SEMA3D: variants seen among roughly 807,000 people sequenced by gnomAD.
The protein encoded by SEMA3D is semaphorin-3D.
A neutral mutation model predicts 100.1 loss-of-function variants in SEMA3D; 84 were observed. The observed-to-expected ratio is 0.84, with a 90% CI of 0.70 to 1.01. The LOEUF is 1.01. SEMA3D is among the 50% of genes least tolerant of loss of function. The pLI is 0.00. For synonymous variants in SEMA3D, 312 were observed against 320.7 expected (o/e 0.97, Z 0.29); for missense variants, 875 against 934.1 (o/e 0.94, Z 0.82).
intron 2 of SEMA3D, chr7:85,144,705 T>G (rs1041310679): frequency 2.0e-6 from 2 of 984,402 alleles, no homozygotes; most frequent in African/African-American, 3.5e-5. Context: ...TTTGTTCTTA[T>G]TTGTTCTCTT....
chr7:85,249,208 G>A, the SEMA3D span, among the ~76,000 whole-genome samples: 1 of 152,116 alleles, frequency 6.6e-6, no homozygotes, highest in East Asian at 1.9e-4. Context: ...AGATGAGAAT[G>A]TCACTTTACT....
At chr7:85,199,763 A>G in the SEMA3D span, among the ~76,000 whole-genome samples, 1 of 152,290 alleles carries the variant, frequency 6.6e-6, no homozygotes, top group Non-Finnish European at 1.5e-5. Context: ...GATTTTCATC[A>G]GCTAAAATTG....
At chr7:85,016,929 T>C (rs1331036279) in intron 15 of SEMA3D, among the ~76,000 whole-genome samples, 2 of 151,506 alleles carry the variant, frequency 1.3e-5, no homozygotes, top group Non-Finnish European at 3.0e-5. Flanking sequence ...GGGGCTTTCA[T>C]TGTTTTTAAG....
chr7:85,032,784 T>A (rs542121637), intron 12 of SEMA3D, among the ~76,000 whole-genome samples: 7 of 152,124 alleles, frequency 4.6e-5, no homozygotes, highest in Non-Finnish European at 8.8e-5. Context: ...AATAAATAAA[T>A]TTTGACAGTA....
At chr7:85,215,974 A>G in the SEMA3D span, among the ~76,000 whole-genome samples, 1 of 152,116 alleles carries the variant, frequency 6.6e-6, no homozygotes, top group South Asian at 2.1e-4. Flanking sequence ...CTTTTTCATA[A>G]TATAAAACTT....
At chr7:85,222,227 T>G in the SEMA3D span, among the ~76,000 whole-genome samples, 375 of 152,218 alleles carry the variant, frequency 2.5e-3, 3 homozygotes, top group African/African-American at 8.8e-3. Context: ...TGATTTGATA[T>G]TTTATTTAAA....
At chr7:85,165,243 T>C (rs2116529311) in intron 1 of SEMA3D, among the ~76,000 whole-genome samples, 1 of 147,026 alleles carries the variant, frequency 6.8e-6, no homozygotes, top group Non-Finnish European at 1.5e-5. Context: ...TTTATGTAAA[T>C]TAAAAAAAGA....
At chr7:85,027,132 A>G (rs1790412856) in intron 12 of SEMA3D, among the ~76,000 whole-genome samples, 1 of 152,056 alleles carries the variant, frequency 6.6e-6, no homozygotes, top group Non-Finnish European at 1.5e-5. Context: ...GTTAGAGTAA[A>G]AAAGATCTTT....
chr7:85,058,710 T>C (rs1451896265), intron 8 of SEMA3D, among the ~76,000 whole-genome samples: 2 of 134,888 alleles, frequency 1.5e-5, no homozygotes, highest in Non-Finnish European at 3.0e-5. Context: ...ATTGTGCCAC[T>C]GCACTCCAGC....
intron 8 of SEMA3D, among the ~76,000 whole-genome samples, chr7:85,058,416 G>A (rs1313640128): frequency 2.0e-5 from 3 of 150,900 alleles, no homozygotes; most frequent in South Asian, 2.1e-4. Flanking sequence ...TTTTTTAATC[G>A]CAAACCAACA....
chr7:85,113,213 G>A (rs960550087), intron 3 of SEMA3D, among the ~76,000 whole-genome samples: 1 of 152,144 alleles, frequency 6.6e-6, no homozygotes, highest in African/African-American at 2.4e-5. Context: ...AATATTTATA[G>A]TAATAATCAT....
intron 9 of SEMA3D, among the ~76,000 whole-genome samples, chr7:85,049,104 A>G (rs1361785272): frequency 1.3e-5 from 2 of 151,710 alleles, no homozygotes; most frequent in African/African-American, 4.8e-5. Flanking sequence ...CCTACTAATA[A>G]TCTTGAAATA....
intron 2 of SEMA3D, among the ~76,000 whole-genome samples, chr7:85,151,399 A>C (rs1258304257): frequency 6.6e-6 from 1 of 152,040 alleles, no homozygotes; most frequent in African/African-American, 2.4e-5. Context: ...CCCAACCCCA[A>C]ATTAAAACAA....
chr7:85,065,307 T>C, intron 8 of SEMA3D, 117 bp downstream of exon 8: 1 of 913,116 alleles, frequency 1.1e-6, no homozygotes. Context: ...AAATGTATTT[T>C]ATAATGTTGA....
intron 3 of SEMA3D, among the ~76,000 whole-genome samples, chr7:85,116,491 G>T (rs1384137610): frequency 2.0e-5 from 3 of 148,806 alleles, no homozygotes; most frequent in Non-Finnish European, 4.5e-5. Flanking sequence ...TTTTATATAG[G>T]TGTATATATG....
At chr7:85,249,416 A>G in the SEMA3D span, among the ~76,000 whole-genome samples, 4 of 152,202 alleles carry the variant, frequency 2.6e-5, no homozygotes, top group Admixed American at 6.5e-5. Context: ...GGACAGTAGG[A>G]AAAACTAAGA....
chr7:85,023,677 G>A (rs913430943), intron 12 of SEMA3D, among the ~76,000 whole-genome samples: 1 of 151,640 alleles, frequency 6.6e-6, no homozygotes, highest in East Asian at 1.9e-4. Flanking sequence ...TCATGACAAG[G>A]CTCCAAAAAC....
intron 2 of SEMA3D, among the ~76,000 whole-genome samples, chr7:85,136,620 A>T (rs1250817103): frequency 6.6e-6 from 1 of 152,154 alleles, no homozygotes; most frequent in African/African-American, 2.4e-5. Flanking sequence ...TATTTAAAAT[A>T]TTAAAGGAAA....
rs1400772812 is a variant in SEMA3D at position 85,039,134 on chromosome 7, T to A, written c.1046+1539A>T. Among the ~76,000 whole-genome samples the A allele has an allele frequency of 2.0e-5, 3 of 152,130 alleles. 1 individual carries two copies. The highest frequency in any genetic ancestry group is 1.9e-4 in the East Asian group (1 of 5,196). On this transcript the variant is annotated intron_variant, in intron 11 of 18. Transcript: ENST00000284136. ...AAAATGTGAAAACTATTTCCAACAA[T>A]ATAGGCTGTAACAGGGAACAGGAGA...
Sources: gnomAD v4.1 joint callset for allele counts (sites outside exome capture counted in the v4.1 genomes callset) on GRCh38, gnomAD v4.1.1 for gene constraint, MANE v1.5 for transcripts, NCBI Gene and HGNC (gene_info 2026-07-23, HGNC 2026-07-21) for gene names.